TMEM132D: variants seen among roughly 807,000 people sequenced by gnomAD.
TMEM132D encodes mature OL transmembrane protein.
In TMEM132D, 21 loss-of-function variants were observed where a neutral mutation model predicts 62.3. That is an observed-to-expected ratio of 0.34 (90% CI 0.24 to 0.49). TMEM132D has a LOEUF of 0.49. TMEM132D is among the 20% of genes least tolerant of loss of function. The pLI is 0.99. For missense variants in TMEM132D, 1,346 were observed against 1,402.8 expected, an observed-to-expected ratio of 0.96 and a Z score of 0.65; for synonymous variants, 621 against 575.6, an observed-to-expected ratio of 1.08 and a Z score of -1.13.
At chr12:129,429,801 T>C (rs1330866641) in intron 3 of TMEM132D, among the ~76,000 whole-genome samples, 1 of 145,264 alleles carries the variant, frequency 6.9e-6, no homozygotes, top group Non-Finnish European at 1.5e-5. Context: ...GTTCTCATTG[T>C]TCAATTCTCA....
chr12:129,353,581 G>A (rs2135669765), intron 3 of TMEM132D, among the ~76,000 whole-genome samples: 1 of 152,208 alleles, frequency 6.6e-6, no homozygotes, highest in African/African-American at 2.4e-5. Context: ...CATTGCAGTT[G>A]AGATTGGGCA....
At chr12:129,252,639 C>A (rs548428984) in intron 4 of TMEM132D, among the ~76,000 whole-genome samples, 85 of 152,268 alleles carry the variant, frequency 5.6e-4, no homozygotes, top group East Asian at 2.9e-3. Flanking sequence ...GTGGCGATTC[C>A]TCAGGGATCT....
rs3046846 is a variant in TMEM132D at position 129,813,611 on chromosome 12, G to GATATATATATATAT, written c.79+89636_79+89649dup. 6.4e-3 allele frequency among the ~76,000 whole-genome samples: 868 copies of GATATATATATATAT among 136,626 alleles called. 16 individuals are homozygous for GATATATATATATAT. Among genetic ancestry groups the GATATATATATATAT allele is most frequent in the African/African-American group, 0.019 (722 of 38,094 alleles). 89.6% of individuals were successfully genotyped at this position (136,626 alleles called of 152,430 possible). A position where few individuals can be genotyped will look rare whatever the true frequency, so the allele number is the denominator to read the frequency against. On this transcript the variant is annotated intron_variant, in intron 1 of 8. Transcript: ENST00000422113. ...AAGGATGGACGGATACAGAAAATGT[G>GATATATATATATAT]ATATATATATATATATATATTTTCA...
chr12:129,313,363 T>C (rs1016866151), intron 4 of TMEM132D, among the ~76,000 whole-genome samples: 12 of 152,136 alleles, frequency 7.9e-5, no homozygotes, highest in Non-Finnish European at 1.3e-4. Flanking sequence ...GGATCATCCT[T>C]ATGCCTTTGC....
chr12:129,527,542 A>C (rs1161882784), intron 3 of TMEM132D, among the ~76,000 whole-genome samples: 1 of 152,188 alleles, frequency 6.6e-6, no homozygotes, highest in African/African-American at 2.4e-5. Flanking sequence ...GAACTTAAAT[A>C]AATGTAAGTT....
chr12:129,425,081 AG>A (rs771185261), intron 3 of TMEM132D, among the ~76,000 whole-genome samples: 23 of 152,194 alleles, frequency 1.5e-4, no homozygotes, highest in Non-Finnish European at 2.8e-4. Flanking sequence ...CCCATGTCAA[AG>A]GACGTATAAG....
intron 5 of TMEM132D, among the ~76,000 whole-genome samples, chr12:129,202,343 G>A (rs1417772360): frequency 6.6e-6 from 1 of 152,146 alleles, no homozygotes; most frequent in Non-Finnish European, 1.5e-5. Context: ...ACACGTACCA[G>A]GTGACTCTTT....
intron 3 of TMEM132D, among the ~76,000 whole-genome samples, chr12:129,358,929 T>C (rs947196559): frequency 2.0e-5 from 3 of 150,726 alleles, no homozygotes; most frequent in Non-Finnish European, 4.4e-5. Flanking sequence ...GAGATGCTGT[T>C]GAGCTGTGGG....
chr12:129,700,157 C>G lies in TMEM132D; in HGVS notation c.621G>C (p.Thr207=), dbSNP rs768123163. The change falls in exon 2 of 9, where the codon ACG becomes ACC. Residue 207 remains threonine, a synonymous_variant. Transcript: ENST00000422113. ...CGGACTTCCTCCTCCCGGCAACCACCGTGGGGGGGCTGAACCAGCTGGACA... is the reference window on the plus strand; with the variant it reads ...CGGACTTCCTCCTCCCGGCAACCACGGTGGGGGGGCTGAACCAGCTGGACA... The part of the protein sequence containing the change: ...ELLSSWFSPP[T]VVAGRRKSVD... 6.2e-7 allele frequency: 1 copy of G among 1,613,098 alleles called. No homozygotes were observed. The highest frequency in any genetic ancestry group is 8.5e-7 in the Non-Finnish European group (1 of 1,180,024).
intron 1 of TMEM132D, among the ~76,000 whole-genome samples, chr12:129,810,369 G>GA (rs557834691): frequency 6.4e-4 from 97 of 151,782 alleles, no homozygotes; most frequent in African/African-American, 2.1e-3. Flanking sequence ...AAAATCTAAA[G>GA]AAAAAAATCA....
intron 3 of TMEM132D, among the ~76,000 whole-genome samples, chr12:129,340,165 T>C (rs1207599387): frequency 1.8e-4 from 28 of 152,178 alleles, no homozygotes; most frequent in Admixed American, 1.8e-3. Flanking sequence ...CCTGTAACCT[T>C]ACGTGATTGT....
At chr12:129,766,122 A>G (rs955071796) in intron 1 of TMEM132D, among the ~76,000 whole-genome samples, 10 of 152,262 alleles carry the variant, frequency 6.6e-5, no homozygotes, top group African/African-American at 2.4e-4. Context: ...ATTGTCCAGG[A>G]AAGTTGAAAT....
chr12:129,265,185 G>C (rs1566016249), intron 4 of TMEM132D, among the ~76,000 whole-genome samples: 1 of 152,190 alleles, frequency 6.6e-6, no homozygotes, highest in South Asian at 2.1e-4. Flanking sequence ...TGGCCAAAGG[G>C]ATGTCAGGCT....
chr12:129,111,845 C>T (rs1875714365), intron 5 of TMEM132D, among the ~76,000 whole-genome samples: 1 of 152,208 alleles, frequency 6.6e-6, no homozygotes, highest in Non-Finnish European at 1.5e-5. Context: ...AACACAACCT[C>T]ATGCCATATT....
intron 3 of TMEM132D, among the ~76,000 whole-genome samples, chr12:129,420,962 C>CT (rs770659851): frequency 0.035 from 4,689 of 134,358 alleles, 187 homozygotes; most frequent in East Asian, 0.11. Flanking sequence ...GTAGATCTAC[C>CT]TTTTTTTTTT....
chr12:129,302,789 C>T (rs1316748477), intron 4 of TMEM132D, among the ~76,000 whole-genome samples: 7 of 152,208 alleles, frequency 4.6e-5, no homozygotes, highest in Admixed American at 2.6e-4. Context: ...ATGCACACAG[C>T]GAAGCTCGAG....
At chr12:129,149,220 C>T (rs915572248) in intron 5 of TMEM132D, among the ~76,000 whole-genome samples, 1 of 150,844 alleles carries the variant, frequency 6.6e-6, no homozygotes, top group Non-Finnish European at 1.5e-5. Context: ...CACACCAGGG[C>T]CTGTTGGGGG....
At position 129,278,066 on chromosome 12, in the gene TMEM132D, C is replaced by T. The variant is rs143722740; in HGVS notation, c.1299+59568G>A. 9.2e-3 allele frequency among the ~76,000 whole-genome samples: 1,395 copies of T among 152,294 alleles called. 24 individuals carry two copies. Among genetic ancestry groups the T allele is most frequent in the African/African-American group, 0.03 (1,267 of 41,556 alleles). ...AAGGATGAGTCTTCTCAAAGACAGA[C>T]CTCGTCTTCAGCCAGCTAGGGTCTG... On this transcript the variant is annotated intron_variant, in intron 4 of 8. Coordinates refer to ENST00000422113, the MANE Select transcript of TMEM132D (RefSeq NM_133448.3).
chr12:129,359,755 C>T lies in TMEM132D; in HGVS notation c.1116-21938G>A, dbSNP rs1593350575. Among the ~76,000 whole-genome samples the T allele has an allele frequency of 2.6e-5, 4 of 152,114 alleles. No individual in the cohort carries two copies. In the South Asian group the frequency reaches 8.3e-4, roughly 32 times the overall value. Reference sequence around the variant, plus strand: ...ACATTATGAGGTAGTCAAATACTTACTCCCACTGAGAATGAATAAGTTTAA... The same window carrying T: ...ACATTATGAGGTAGTCAAATACTTATTCCCACTGAGAATGAATAAGTTTAA... On this transcript the variant is annotated intron_variant, in intron 3 of 8. Coordinates refer to ENST00000422113, the MANE Select transcript of TMEM132D (RefSeq NM_133448.3).
Sources: allele counts gnomAD v4.1 joint callset (sites outside exome capture counted in the v4.1 genomes callset), GRCh38; gene constraint gnomAD v4.1.1; transcripts MANE v1.5; gene names NCBI Gene and HGNC (gene_info 2026-07-23, HGNC 2026-07-21).